PTTG1IP: variants seen among roughly 807,000 people sequenced by gnomAD.
The protein encoded by PTTG1IP is PTTG1 interacting protein, also known as pituitary tumor-transforming gene 1 protein-interacting protein.
In PTTG1IP, 16 loss-of-function variants were observed where a neutral mutation model predicts 24.4. The observed-to-expected ratio is 0.66, with a 90% CI of 0.44 to 1.00. PTTG1IP has a LOEUF of 1.00. Ranked by LOEUF, PTTG1IP falls within the 50% of genes least tolerant of loss-of-function variation. PTTG1IP has a pLI of 0.00. For missense variants in PTTG1IP, 241 were observed against 245.8 expected (o/e 0.98, Z 0.13); for synonymous variants, 89 against 96.8 (o/e 0.92, Z 0.47).
chr21:44,868,245 G>C (rs190185677), intron 1 of PTTG1IP, among the ~76,000 whole-genome samples: 206 of 152,336 alleles, frequency 1.4e-3, no homozygotes, highest in Non-Finnish European at 2.4e-3. Context: ...CACTGTGGGA[G>C]GAAGGAGCAA....
Position 44,851,624 on chromosome 21 carries a change from A to G in PTTG1IP, c.500T>C (p.Leu167Pro), listed in dbSNP as rs1229687138. Residue 167 changes from leucine (L) to proline (P), a missense_variant, in exon 6 of 6, where the codon CTG (leucine) becomes CCG (proline). Leu to Pro is a moderately conservative substitution (Grantham distance 98, BLOSUM62 -3). Transcript: ENST00000330938. ...AGCATACGGGTTTTCTTCTTTAAAC[A>G]GGCCTGAAACAAAATAAACTTGAAT... ...RHDEIRKKYG[L>P]FKEENPYARF... 1 of 1,579,380 alleles carries G rather than the reference A, an allele frequency of 6.3e-7. No homozygotes were observed. The highest frequency in any genetic ancestry group is 8.7e-7 in the Non-Finnish European group (1 of 1,154,612).
rs2083502274 is a variant in PTTG1IP at position 44,862,806 on chromosome 21, T to C, written c.169-1535A>G. ...TCCAGCATAATGTAACAATTAACAG[T>C]TAAACCCTGTTTATTCTGGTCATTT... On this transcript the variant is annotated intron_variant, in intron 2 of 5. Coordinates refer to ENST00000330938, the MANE Select transcript of PTTG1IP (RefSeq NM_004339.4). 2.6e-5 allele frequency among the ~76,000 whole-genome samples: 4 copies of C among 152,232 alleles called. No individual in the cohort carries two copies. In the South Asian group the frequency reaches 6.2e-4, roughly 24 times the overall value.
chr21:44,853,462 C>CG (rs918779778), intron 5 of PTTG1IP, among the ~76,000 whole-genome samples: 3 of 149,022 alleles, frequency 2.0e-5, no homozygotes, highest in Admixed American at 6.7e-5. Context: ...GAGCTGACAT[C>CG]GCGCCACTGC....
chr21:44,851,116 G>A lies in PTTG1IP; in HGVS notation c.*465C>T, dbSNP rs563069885. On this transcript the variant is annotated 3_prime_UTR_variant, in exon 6 of 6. Coordinates refer to ENST00000330938, the MANE Select transcript of PTTG1IP (RefSeq NM_004339.4). ...GAAGACTCAAGATGCGCACACAGAC[G>A]CTGTCCGTGGTTTTATGGGGAATGA... 3.2e-5 allele frequency: 15 copies of A among 465,110 alleles called. No individual in the cohort carries two copies. In the East Asian group the frequency reaches 4.1e-4, roughly 13 times the overall value. The allele number at this position is 465,110 out of a possible 1,614,324, so 28.8% of individuals were successfully genotyped here. A position where few individuals can be genotyped will look rare whatever the true frequency, so the allele number is the denominator to read the frequency against.
At chr21:44,871,281 G>A (rs1314484357) in intron 1 of PTTG1IP, among the ~76,000 whole-genome samples, 1 of 152,206 alleles carries the variant, frequency 6.6e-6, no homozygotes, top group Non-Finnish European at 1.5e-5. Context: ...AGTCCCCACT[G>A]TAAGGAGCAG....
At chr21:44,861,646 T>C (rs535767775) in intron 2 of PTTG1IP, 5 of 705,330 alleles carry the variant, frequency 7.1e-6, no homozygotes, top group Non-Finnish European at 1.3e-5. Flanking sequence ...CCCACATCTG[T>C]GTGGCTCCCC....
chr21:44,861,366 T>C, intron 2 of PTTG1IP, 95 bp from the exon 3 acceptor site: 1 of 1,027,172 alleles, frequency 9.7e-7, no homozygotes. Context: ...CTGCCATCGC[T>C]CTGTGGATGG....
chr21:44,871,787 C>A (rs1189878021), intron 1 of PTTG1IP, among the ~76,000 whole-genome samples: 1 of 152,136 alleles, frequency 6.6e-6, no homozygotes, highest in Non-Finnish European at 1.5e-5. Context: ...CAGTGAATGC[C>A]AACATGACAC....
rs557704723 is a variant in PTTG1IP, at chr21:44,858,089, T to C, written c.278-1725A>G. Among the ~76,000 whole-genome samples, 7 of 152,324 alleles carry C rather than the reference T, an allele frequency of 4.6e-5. No individual in the cohort carries two copies. In the South Asian group the frequency reaches 1.5e-3, roughly 32 times the overall value. On this transcript the variant is annotated intron_variant, in intron 3 of 5. Coordinates refer to ENST00000330938, the MANE Select transcript of PTTG1IP (RefSeq NM_004339.4). ...CTCTGGGCTCCTTTTGCTGATTCCA[T>C]AGGGTAAAACCCATGAACTTGAACT... is the stretch of plus-strand genomic sequence containing the variant.
intron 3 of PTTG1IP, among the ~76,000 whole-genome samples, chr21:44,858,127 T>C (rs2083462429): frequency 6.6e-6 from 1 of 152,228 alleles, no homozygotes; most frequent in African/African-American, 2.4e-5. Flanking sequence ...AACCAAAGGA[T>C]GTGGGAGAGG....
In PTTG1IP at chr21:44,869,162, A is replaced by AT. The variant is rs2083565243; in HGVS notation, c.116-3716dup. On this transcript the variant is annotated intron_variant, in intron 1 of 5. Coordinates refer to ENST00000330938, the MANE Select transcript of PTTG1IP (RefSeq NM_004339.4). The stretch of plus-strand genomic sequence containing the variant: ...GAGGAACTATTCTAGATCAATGGAG[A>AT]TTAAAGAGACACAACAATTAAATTC... 2.6e-5 allele frequency among the ~76,000 whole-genome samples: 4 copies of AT among 152,212 alleles called. 1 individual carries two copies. The South Asian group carries it at 8.3e-4, about 32-fold the overall frequency.
At chr21:44,859,865 G>C (rs1321723271) in intron 3 of PTTG1IP, among the ~76,000 whole-genome samples, 1 of 152,170 alleles carries the variant, frequency 6.6e-6, no homozygotes, top group Non-Finnish European at 1.5e-5. Context: ...AAATCAATTA[G>C]AAGAGTGGTA....
At chr21:44,861,962 C>T (rs2083495312) in intron 2 of PTTG1IP, 1 of 662,796 alleles carries the variant, frequency 1.5e-6, no homozygotes, top group Non-Finnish European at 2.8e-6. Context: ...GATGATGCAA[C>T]TACGGCTCAG....
Position 44,865,530 on chromosome 21 carries a change from A to G in PTTG1IP, c.116-83T>C, listed in dbSNP as rs1280023902. 5.7e-6 allele frequency: 8 copies of G among 1,407,068 alleles called. No homozygotes were observed. The Admixed American group carries it at 1.1e-4, about 19-fold the overall frequency. 87.2% of individuals were successfully genotyped at this position (1,407,068 alleles called of 1,614,324 possible). On this transcript the variant is annotated intron_variant, in intron 1 of 5. Coordinates refer to ENST00000330938, the MANE Select transcript of PTTG1IP (RefSeq NM_004339.4). ...AGTCCAGCAGGGCAGGGTGGGCACC[A>G]GTGAGGGGTGTGGCACCAAGAACCT...
rs1467552057 is a variant in PTTG1IP, at chr21:44,853,992, A to AG, written c.496+1217dup. On this transcript the variant is annotated intron_variant, in intron 5 of 5. Coordinates refer to ENST00000330938, the MANE Select transcript of PTTG1IP (RefSeq NM_004339.4). ...ACTTTCCAAGGAGGCCAGAACTGAC[A>AG]GGGAGGGGACGTCCCGGCCAGTGGG... Among the ~76,000 whole-genome samples the AG allele has an allele frequency of 2.0e-5, 3 of 152,194 alleles. No individual in the cohort carries two copies. The East Asian group carries it at 5.8e-4, about 29-fold the overall frequency.
At chr21:44,866,541 TCCC>T (rs138365673) in intron 1 of PTTG1IP, among the ~76,000 whole-genome samples, 1,771 of 80,514 alleles carry the variant, frequency 0.022, 159 homozygotes, top group African/African-American at 0.091. Context: ...GACTGCCTAC[TCCC>T]CCAATCCCGT....
rs1407110010 is a variant in PTTG1IP at position 44,870,540 on chromosome 21, A to AAG, written c.115+2961_115+2962insCT. 7.9e-4 allele frequency among the ~76,000 whole-genome samples: 114 copies of AAG among 144,848 alleles called. 1 individual carries two copies. The highest frequency in any genetic ancestry group is 2.6e-3 in the African/African-American group (101 of 38,700). ...GACTCCATCTCAAAAAAAAAAAAAAAAAAAAAAAGAAAGGCATGAATCATT... is the reference window on the plus strand; with the variant it reads ...GACTCCATCTCAAAAAAAAAAAAAAAAGAAAAAAAAGAAAGGCATGAATCATT... On this transcript the variant is annotated intron_variant, in intron 1 of 5. Coordinates refer to ENST00000330938, the MANE Select transcript of PTTG1IP (RefSeq NM_004339.4).
At chr21:44,867,301 T>G (rs967424611) in intron 1 of PTTG1IP, among the ~76,000 whole-genome samples, 4 of 151,964 alleles carry the variant, frequency 2.6e-5, no homozygotes, top group Non-Finnish European at 5.9e-5. Flanking sequence ...CATGGATGAG[T>G]CTGAAGCACA....
chr21:44,851,157 T>C lies in PTTG1IP; in HGVS notation c.*424A>G. The C allele has an allele frequency of 1.6e-6, 1 of 608,076 alleles. No individual in the cohort carries two copies. Among genetic ancestry groups the C allele is most frequent in the Non-Finnish European group, 2.8e-6 (1 of 359,094 alleles). The allele number at this position is 608,076 out of a possible 1,614,324, so 37.7% of individuals were successfully genotyped here. A position where few individuals can be genotyped will look rare whatever the true frequency, so the allele number is the denominator to read the frequency against. ...TGGGGAATGATGAGGGCTGGTCAGT[T>C]CTCCTCATGACAAAAGTCAAACCGA... On this transcript the variant is annotated 3_prime_UTR_variant, in exon 6 of 6. Coordinates refer to ENST00000330938, the MANE Select transcript of PTTG1IP (RefSeq NM_004339.4).
Sources: gnomAD v4.1 joint callset for allele counts (sites outside exome capture counted in the v4.1 genomes callset) on GRCh38, gnomAD v4.1.1 for gene constraint, MANE v1.5 for transcripts, NCBI Gene and HGNC (gene_info 2026-07-23, HGNC 2026-07-21) for gene names.